Variants in POLR2B observed in about 807,000 individuals in gnomAD.
The protein encoded by POLR2B is RNA polymerase II subunit B.
Under a neutral mutation model 144.6 loss-of-function variants are expected in POLR2B, and 57 were observed. The observed-to-expected ratio is 0.39, with a 90% CI of 0.32 to 0.49. The LOEUF is 0.49. Ranked by LOEUF, POLR2B falls within the 20% of genes least tolerant of loss-of-function variation. The pLI is 0.83. For missense variants in POLR2B, 595 were observed against 1,467.4 expected, an observed-to-expected ratio of 0.41 and a Z score of 9.71; for synonymous variants, 442 against 469.8, an observed-to-expected ratio of 0.94 and a Z score of 0.77.
At chr4:57,006,116 T>G (rs756229921) in intron 9 of POLR2B, among the ~76,000 whole-genome samples, 7 of 152,228 alleles carry the variant, frequency 4.6e-5, no homozygotes, top group Non-Finnish European at 8.8e-5. Context: ...GTTTTTAATT[T>G]TATTCTTGAT....
At chr4:56,997,144 T>G (rs1722716194) in intron 6 of POLR2B, among the ~76,000 whole-genome samples, 1 of 152,092 alleles carries the variant, frequency 6.6e-6, no homozygotes, top group Non-Finnish European at 1.5e-5. Context: ...ATACAAGCTT[T>G]AGACATTAAA....
At chr4:57,012,945 A>G (rs1388351956) in intron 13 of POLR2B, among the ~76,000 whole-genome samples, 1 of 152,102 alleles carries the variant, frequency 6.6e-6, no homozygotes, top group Non-Finnish European at 1.5e-5. Flanking sequence ...GGTTCAAGCA[A>G]TTCTCCTGCT....
At chr4:56,990,138 A>G (rs1722468263) in intron 2 of POLR2B, among the ~76,000 whole-genome samples, 1 of 152,174 alleles carries the variant, frequency 6.6e-6, no homozygotes, top group Admixed American at 6.5e-5. Flanking sequence ...TCTTATTGTT[A>G]TCTTTGACTT....
chr4:57,021,089 G>T (rs376098713), intron 17 of POLR2B, 94 bp downstream of exon 17: 1 of 728,676 alleles, frequency 1.4e-6, no homozygotes, highest in Non-Finnish European at 2.5e-6. Flanking sequence ...TAACTACGCC[G>T]CACTCCAGAA....
intron 7 of POLR2B, among the ~76,000 whole-genome samples, chr4:57,000,994 T>A (rs1177253579): frequency 6.6e-6 from 1 of 152,192 alleles, no homozygotes; most frequent in Admixed American, 6.5e-5. Context: ...AATGTACAGA[T>A]CTGACTCAGA....
chr4:57,005,083 A>T (rs1418482484), intron 7 of POLR2B, among the ~76,000 whole-genome samples, 163 bp from the exon 8 acceptor site: 1 of 152,178 alleles, frequency 6.6e-6, no homozygotes, highest in African/African-American at 2.4e-5. Flanking sequence ...TAGATCTCTG[A>T]GGTATCTTCT....
chr4:57,020,072 C>T (rs1723492478), intron 16 of POLR2B, among the ~76,000 whole-genome samples: 1 of 152,134 alleles, frequency 6.6e-6, no homozygotes, highest in South Asian at 2.1e-4. Flanking sequence ...TCTCGCTCTG[C>T]CACCAGGCTG....
chr4:57,029,466 T>G (rs1162282331), intron 23 of POLR2B, among the ~76,000 whole-genome samples: 12 of 151,806 alleles, frequency 7.9e-5, no homozygotes, highest in Admixed American at 7.2e-4. Flanking sequence ...GACCAATGAT[T>G]TTTTTGTTTT....
At chr4:56,980,546 C>A (rs1385896002) in intron 1 of POLR2B, among the ~76,000 whole-genome samples, 1 of 151,980 alleles carries the variant, frequency 6.6e-6, no homozygotes, top group Non-Finnish European at 1.5e-5. Flanking sequence ...ACATGGGAGA[C>A]CCCTCTCTAT....
chr4:56,986,932 T>C (rs1291752494), intron 2 of POLR2B: 2 of 152,444 alleles, frequency 1.3e-5, no homozygotes, highest in African/African-American at 4.8e-5. Context: ...TACAAATTTT[T>C]CTGATCCTGG....
intron 21 of POLR2B, among the ~76,000 whole-genome samples, chr4:57,024,515 G>A (rs781755530): frequency 6.6e-6 from 1 of 152,078 alleles, no homozygotes; most frequent in Non-Finnish European, 1.5e-5. Context: ...TCTAACATAT[G>A]GATGGCTTGG....
At chr4:57,007,594 G>A (rs536319994) in intron 10 of POLR2B, among the ~76,000 whole-genome samples, 1 of 152,248 alleles carries the variant, frequency 6.6e-6, no homozygotes, top group South Asian at 2.1e-4. Context: ...AAATTTTTAT[G>A]TCTTAAAAGC....
chr4:56,995,448 T>A, intron 6 of POLR2B, 39 bp downstream of exon 6: 1 of 1,482,830 alleles, frequency 6.7e-7, no homozygotes, highest in Non-Finnish European at 9.2e-7. Flanking sequence ...TTTATTCCTT[T>A]GTGCTTTGTT....
intron 13 of POLR2B, among the ~76,000 whole-genome samples, chr4:57,015,128 A>G (rs927313284): frequency 2.0e-5 from 3 of 152,180 alleles, no homozygotes; most frequent in African/African-American, 7.2e-5. Context: ...GGTCAAAGCA[A>G]AGTGATATAG....
At chr4:57,007,732 C>T (rs910368355) in intron 10 of POLR2B, among the ~76,000 whole-genome samples, 6 of 152,176 alleles carry the variant, frequency 3.9e-5, no homozygotes, top group African/African-American at 1.4e-4. Flanking sequence ...TAGCTATTCT[C>T]AGATGGAGTA....
intron 2 of POLR2B, among the ~76,000 whole-genome samples, chr4:56,989,974 T>C (rs1722463268): frequency 6.6e-6 from 1 of 152,194 alleles, no homozygotes; most frequent in African/African-American, 2.4e-5. Context: ...TTATCACCAG[T>C]CTTTTGCTGA....
chr4:56,993,862 GTTCT>G (rs770072847), intron 3 of POLR2B, among the ~76,000 whole-genome samples: 3 of 152,188 alleles, frequency 2.0e-5, no homozygotes, highest in Non-Finnish European at 4.4e-5. Flanking sequence ...TTAGAGCATA[GTTCT>G]AGTTGTCTGG....
At chr4:56,981,851 C>T (rs1722165560) in intron 1 of POLR2B, among the ~76,000 whole-genome samples, 2 of 152,210 alleles carry the variant, frequency 1.3e-5, no homozygotes, top group Non-Finnish European at 2.9e-5. Flanking sequence ...CATGCTACTA[C>T]ATTAAGATAG....
chr4:57,019,313 G>T (rs771937591), intron 16 of POLR2B, among the ~76,000 whole-genome samples: 2 of 152,062 alleles, frequency 1.3e-5, no homozygotes, highest in Non-Finnish European at 2.9e-5. Context: ...GGAGAGTCAT[G>T]GCTGGCAGGG....
Sources: gnomAD v4.1 joint callset for allele counts (sites outside exome capture counted in the v4.1 genomes callset) on GRCh38, gnomAD v4.1.1 for gene constraint, MANE v1.5 for transcripts, NCBI Gene and HGNC (gene_info 2026-07-23, HGNC 2026-07-21) for gene names.